The following THSD7B variants were observed in gnomAD, a reference collection of about 807,000 sequenced individuals.
The protein encoded by THSD7B is thrombospondin type-1 domain-containing protein 7B.
Under a neutral mutation model 213.6 loss-of-function variants are expected in THSD7B, and 138 were observed. The ratio of observed to expected loss-of-function variants is 0.65; its 90% CI spans 0.56 to 0.74. THSD7B has a LOEUF of 0.74. Among genes scored for constraint, THSD7B ranks in the 30% least tolerant of loss-of-function variants. THSD7B has a pLI of 0.00. For synonymous variants in THSD7B, 742 were observed against 687.0 expected (o/e 1.08, Z -1.25); for missense variants, 1,931 against 1,991.5 (o/e 0.97, Z 0.58).
chr2:137,376,257 T>C (rs1175664104), intron 12 of THSD7B, among the ~76,000 whole-genome samples: 2 of 152,232 alleles, frequency 1.3e-5, no homozygotes, highest in African/African-American at 4.8e-5. Flanking sequence ...GATAGCCTAT[T>C]TCATGGCAGA....
intron 21 of THSD7B, among the ~76,000 whole-genome samples, chr2:137,650,757 T>C (rs1170676632): frequency 1.3e-5 from 2 of 152,204 alleles, no homozygotes; most frequent in African/African-American, 4.8e-5. Flanking sequence ...TTCTTTTTCC[T>C]TCTGTATCTA....
At chr2:137,005,913 C>T (rs558980845) in intron 2 of THSD7B, among the ~76,000 whole-genome samples, 16 of 152,200 alleles carry the variant, frequency 1.1e-4, no homozygotes, top group South Asian at 2.1e-4. Flanking sequence ...TGTGCATATA[C>T]GTATGTGTCT....
intron 15 of THSD7B, chr2:137,452,130 T>TA (rs375318085): frequency 0.049 from 27,553 of 557,596 alleles, 750 homozygotes; most frequent in Middle Eastern, 0.06. Context: ...TCACTGAAAT[T>TA]AAAAAAAAAT....
intron 7 of THSD7B, among the ~76,000 whole-genome samples, chr2:137,225,968 C>T (rs1325141211): frequency 6.6e-6 from 1 of 151,560 alleles, no homozygotes; most frequent in African/African-American, 2.4e-5. Flanking sequence ...GGTCTCAATC[C>T]AGAAGTGGCC....
At chr2:137,664,922 C>T (rs1683419422) in intron 26 of THSD7B, among the ~76,000 whole-genome samples, 1 of 152,186 alleles carries the variant, frequency 6.6e-6, no homozygotes, top group Admixed American at 6.5e-5. Context: ...CCTAGGAACT[C>T]TCCTTCCAAA....
At chr2:136,780,619 G>A (rs1681724418) in intron 1 of THSD7B, among the ~76,000 whole-genome samples, 1 of 152,050 alleles carries the variant, frequency 6.6e-6, no homozygotes, top group South Asian at 2.1e-4. Flanking sequence ...CTGTATGTAC[G>A]GAACTTCCCC....
intron 2 of THSD7B, among the ~76,000 whole-genome samples, chr2:136,897,694 T>G (rs922999988): frequency 4.6e-5 from 7 of 152,230 alleles, no homozygotes; most frequent in African/African-American, 1.7e-4. Flanking sequence ...GATTGGACCA[T>G]TTTACAGAGC....
At chr2:137,310,104 C>T (rs1287823284) in intron 12 of THSD7B, among the ~76,000 whole-genome samples, 1 of 151,908 alleles carries the variant, frequency 6.6e-6, no homozygotes, top group African/African-American at 2.4e-5. Flanking sequence ...AATGGTTGAA[C>T]TAGTTTACAG....
At chr2:137,280,948 T>C (rs1682993539) in intron 12 of THSD7B, among the ~76,000 whole-genome samples, 1 of 152,166 alleles carries the variant, frequency 6.6e-6, no homozygotes, top group Non-Finnish European at 1.5e-5. Flanking sequence ...TCCAGTATTT[T>C]TCTTTTGGAC....
intron 4 of THSD7B, among the ~76,000 whole-genome samples, chr2:137,114,842 T>A (rs558490313): frequency 6.6e-6 from 1 of 152,316 alleles, no homozygotes; most frequent in Non-Finnish European, 1.5e-5. Flanking sequence ...TCCCTCACTC[T>A]CTTCCAGCTT....
intron 25 of THSD7B, 57 bp downstream of exon 25, chr2:137,659,803 C>T (rs992129102): frequency 3.3e-6 from 5 of 1,500,230 alleles, no homozygotes; most frequent in African/African-American, 1.4e-5. Context: ...TTTACACATG[C>T]AATCAGATGT....
At chr2:137,232,149 A>C (rs1419032823) in intron 8 of THSD7B, among the ~76,000 whole-genome samples, 2 of 152,222 alleles carry the variant, frequency 1.3e-5, no homozygotes, top group Non-Finnish European at 2.9e-5. Flanking sequence ...AAACCATTAA[A>C]GTGTAGAAGA....
At position 137,056,905 on chromosome 2, in the gene THSD7B, C is replaced by A. The variant is rs780450390; in HGVS notation, c.625C>A (p.Pro209Thr). Reference sequence around the variant, plus strand: ...GCATAGAACTCGCGCGGTCATAGCTCCCCCTCTCTTTGGTGGTTTGCAATG... The same window carrying A: ...GCATAGAACTCGCGCGGTCATAGCTACCCCTCTCTTTGGTGGTTTGCAATG... ...LQHRTRAVIA[P>T]PLFGGLQCPN... Residue 209 changes from proline (P) to threonine (T), a missense_variant, in exon 3 of 28, where the codon CCC becomes ACC. Coordinates refer to ENST00000409968, the MANE Select transcript of THSD7B (RefSeq NM_001316349.2). 3 of 1,613,758 alleles carry A rather than the reference C, an allele frequency of 1.9e-6. No individual in the cohort carries two copies.
At chr2:137,093,125 T>C (rs2104917036) in intron 3 of THSD7B, among the ~76,000 whole-genome samples, 1 of 152,358 alleles carries the variant, frequency 6.6e-6, no homozygotes, top group East Asian at 1.9e-4. Flanking sequence ...TGCCAATTAA[T>C]ATTTGAAATA....
intron 12 of THSD7B, 60 bp downstream of exon 12, chr2:137,276,086 A>G (rs1408544947): frequency 8.3e-7 from 1 of 1,199,300 alleles, no homozygotes; most frequent in South Asian, 1.4e-5. Flanking sequence ...TATGTAACTC[A>G]TATGTGTTGC....
intron 5 of THSD7B, among the ~76,000 whole-genome samples, chr2:137,121,505 A>T (rs1688546495): frequency 6.6e-6 from 1 of 152,234 alleles, no homozygotes; most frequent in African/African-American, 2.4e-5. Context: ...AGCATGTGGC[A>T]TCGTGGAGAA....
intron 12 of THSD7B, among the ~76,000 whole-genome samples, chr2:137,331,024 CAG>C (rs1373271151): frequency 2.0e-5 from 3 of 152,278 alleles, no homozygotes; most frequent in African/African-American, 4.8e-5. Context: ...CAGCTAGATA[CAG>C]AGTGTCCATT....
At chr2:137,088,506 G>C (rs1204280417) in intron 3 of THSD7B, among the ~76,000 whole-genome samples, 1 of 151,502 alleles carries the variant, frequency 6.6e-6, no homozygotes, top group African/African-American at 2.4e-5. Context: ...TTAAATCTAA[G>C]GCATGAAACT....
intron 14 of THSD7B, among the ~76,000 whole-genome samples, chr2:137,449,172 A>G (rs1407492975): frequency 6.6e-6 from 1 of 152,156 alleles, no homozygotes; most frequent in Non-Finnish European, 1.5e-5. Context: ...TGGAGAGAAT[A>G]TGGCATTATT....
Sources: gnomAD v4.1 joint callset for allele counts (sites outside exome capture counted in the v4.1 genomes callset) on GRCh38, gnomAD v4.1.1 for gene constraint, MANE v1.5 for transcripts, NCBI Gene and HGNC (gene_info 2026-07-23, HGNC 2026-07-21) for gene names.